The following MACROD2 variants were observed in gnomAD, a reference collection of about 807,000 sequenced individuals.
MACROD2 encodes the protein mono-ADP ribosylhydrolase 2.
In MACROD2, 36 loss-of-function variants were observed where a neutral mutation model predicts 70.4. The ratio of observed to expected loss-of-function variants is 0.51; its 90% CI spans 0.39 to 0.68. MACROD2 has a LOEUF of 0.68. Ranked by LOEUF, MACROD2 falls within the 30% of genes least tolerant of loss-of-function variation. The probability of loss-of-function intolerance (pLI) is 0.00; values close to 1 mark genes in which losing one functional copy is unlikely to be tolerated. For synonymous variants in MACROD2, 172 were observed against 178.8 expected, an observed-to-expected ratio of 0.96 and a Z score of 0.30; for missense variants, 496 against 538.4, an observed-to-expected ratio of 0.92 and a Z score of 0.78.
intron 5 of MACROD2, among the ~76,000 whole-genome samples, chr20:14,964,218 G>C (rs2074610145): frequency 6.6e-6 from 1 of 152,086 alleles, no homozygotes; most frequent in Admixed American, 6.5e-5. Flanking sequence ...CAAACTCTCT[G>C]AATTAGGATT....
intron 8 of MACROD2, among the ~76,000 whole-genome samples, chr20:15,679,817 A>C (rs538397949): frequency 6.6e-6 from 1 of 152,346 alleles, no homozygotes; most frequent in Admixed American, 6.5e-5. Flanking sequence ...ACTTGGGAGC[A>C]AAGAGCCCAC....
intron 8 of MACROD2, among the ~76,000 whole-genome samples, chr20:15,726,515 C>T (rs2050864653): frequency 6.6e-6 from 1 of 152,136 alleles, no homozygotes; most frequent in South Asian, 2.1e-4. Flanking sequence ...CACTACTGTG[C>T]ACGGTGGCTC....
intron 5 of MACROD2, among the ~76,000 whole-genome samples, chr20:14,975,964 G>A (rs950591020): frequency 5.3e-5 from 8 of 152,114 alleles, no homozygotes; most frequent in Non-Finnish European, 8.8e-5. Context: ...GAATTAACAG[G>A]CTCAGGAAGG....
intron 10 of MACROD2, among the ~76,000 whole-genome samples, chr20:15,902,239 C>T (rs2065074642): frequency 6.6e-6 from 1 of 152,112 alleles, no homozygotes; most frequent in South Asian, 2.1e-4. Flanking sequence ...TTGTTAATGC[C>T]TACCATTTGA....
intron 4 of MACROD2, among the ~76,000 whole-genome samples, chr20:14,516,597 A>C (rs2085102705): frequency 6.6e-6 from 1 of 152,160 alleles, no homozygotes; most frequent in Non-Finnish European, 1.5e-5. Flanking sequence ...GGTTTGTCAA[A>C]GATCAGATGG....
intron 5 of MACROD2, among the ~76,000 whole-genome samples, chr20:14,993,131 T>A (rs17270001): frequency 0.082 from 12,524 of 152,194 alleles, 708 homozygotes; most frequent in South Asian, 0.25. Flanking sequence ...TTGAAGGTAA[T>A]TTTTTGGAAG....
chr20:14,449,596 G>A (rs1043253204), intron 3 of MACROD2, among the ~76,000 whole-genome samples: 6 of 152,216 alleles, frequency 3.9e-5, no homozygotes, highest in African/African-American at 1.4e-4. Context: ...TAGTGATGAG[G>A]AAATGATTCA....
intron 5 of MACROD2, among the ~76,000 whole-genome samples, chr20:14,920,548 T>G (rs2074149618): frequency 1.3e-5 from 2 of 152,190 alleles, no homozygotes; most frequent in Non-Finnish European, 2.9e-5. Flanking sequence ...TTTTTTCTTC[T>G]TTTTAGAATA....
chr20:14,607,186 C>A (rs2123419033), intron 4 of MACROD2, among the ~76,000 whole-genome samples: 1 of 152,238 alleles, frequency 6.6e-6, no homozygotes, highest in South Asian at 2.1e-4. Flanking sequence ...CAGCAGCAAG[C>A]AGAGTCAATA....
At chr20:15,658,896 C>T (rs1196258087) in intron 8 of MACROD2, among the ~76,000 whole-genome samples, 1 of 152,202 alleles carries the variant, frequency 6.6e-6, no homozygotes, top group Non-Finnish European at 1.5e-5. Context: ...CTGTCAAGAT[C>T]TTACTGATTC....
At chr20:14,791,170 G>A (rs1344198752) in intron 5 of MACROD2, among the ~76,000 whole-genome samples, 1 of 152,004 alleles carries the variant, frequency 6.6e-6, no homozygotes, top group Non-Finnish European at 1.5e-5. Flanking sequence ...GTACAAAAAA[G>A]CTAATTTAAT....
rs574149689 is a variant in MACROD2, at chr20:14,059,478, G to A, written c.164-26143G>A. On this transcript the variant is annotated intron_variant, in intron 2 of 17. Transcript: ENST00000684519. ...TAAATTTTGAAGGGTAGTATGATGG[G>A]AATAAGTAGGGTGAAGTGATACAGA... Among the ~76,000 whole-genome samples, 3 of 152,276 alleles carry A rather than the reference G, an allele frequency of 2.0e-5. No homozygotes were observed. The South Asian group carries it at 6.2e-4, about 32-fold the overall frequency.
intron 5 of MACROD2, among the ~76,000 whole-genome samples, chr20:14,817,472 A>C (rs1188298355): frequency 6.6e-6 from 1 of 152,182 alleles, no homozygotes; most frequent in Non-Finnish European, 1.5e-5. Flanking sequence ...ATCATAAAAC[A>C]TGGAAGTTAA....
At chr20:14,517,301 A>G (rs577178941) in intron 4 of MACROD2, among the ~76,000 whole-genome samples, 5 of 152,352 alleles carry the variant, frequency 3.3e-5, no homozygotes, top group African/African-American at 2.4e-5. Context: ...ATGCCCATCA[A>G]TGATAGACTG....
chr20:15,495,953 T>C (rs535178721), intron 7 of MACROD2, among the ~76,000 whole-genome samples: 1 of 152,164 alleles, frequency 6.6e-6, no homozygotes, highest in South Asian at 2.1e-4. Flanking sequence ...GGAAAGAGCA[T>C]GAGCAAGGCC....
intron 8 of MACROD2, among the ~76,000 whole-genome samples, chr20:15,661,832 A>G (rs1409488150): frequency 6.6e-6 from 1 of 152,180 alleles, no homozygotes; most frequent in African/African-American, 2.4e-5. Flanking sequence ...CATCATAGCA[A>G]TGTTGTAAAG....
chr20:14,986,882 T>G (rs1416964502), intron 5 of MACROD2, among the ~76,000 whole-genome samples: 1 of 152,078 alleles, frequency 6.6e-6, no homozygotes, highest in South Asian at 2.1e-4. Flanking sequence ...ACTGCAAATA[T>G]GTGAAGTACG....
At chr20:15,312,503 A>C (rs1223691801) in intron 6 of MACROD2, among the ~76,000 whole-genome samples, 2 of 152,158 alleles carry the variant, frequency 1.3e-5, no homozygotes, top group East Asian at 3.8e-4. Flanking sequence ...ATGGTTTAGT[A>C]CTATGTATGC....
chr20:14,269,372 T>G (rs2082171329), intron 3 of MACROD2, among the ~76,000 whole-genome samples: 1 of 152,214 alleles, frequency 6.6e-6, no homozygotes, highest in African/African-American at 2.4e-5. Flanking sequence ...ATTGAAATGT[T>G]TTGATTTGCT....
Sources: gnomAD v4.1 joint callset for allele counts (sites outside exome capture counted in the v4.1 genomes callset) on GRCh38, gnomAD v4.1.1 for gene constraint, MANE v1.5 for transcripts, NCBI Gene and HGNC (gene_info 2026-07-23, HGNC 2026-07-21) for gene names.